Variants in AKT2 observed in about 807,000 individuals in gnomAD.
The protein encoded by AKT2 is RAC-beta serine/threonine-protein kinase.
Under a neutral mutation model 58.6 loss-of-function variants are expected in AKT2, and 16 were observed. That is an observed-to-expected ratio of 0.27 (90% CI 0.18 to 0.41). The LOEUF (loss-of-function observed/expected upper bound fraction) is 0.41. Among genes scored for constraint, AKT2 ranks in the 10% least tolerant of loss-of-function variants. AKT2 has a pLI of 1.00. For synonymous variants in AKT2, 253 were observed against 254.0 expected, an observed-to-expected ratio of 1.00 and a Z score of 0.04; for missense variants, 438 against 661.0, an observed-to-expected ratio of 0.66 and a Z score of 3.70.
chr19:40,278,937 C>T (rs1168250228), intron 1 of AKT2, among the ~76,000 whole-genome samples: 3 of 151,784 alleles, frequency 2.0e-5, no homozygotes, highest in African/African-American at 2.4e-5. Flanking sequence ...CCCCCGGGAC[C>T]AGGTCACTCA....
chr19:40,242,143 AAG>A lies in AKT2; in HGVS notation c.442-76_442-75del, dbSNP rs1974448388. On this transcript the variant is annotated intron_variant, in intron 5 of 13. Transcript: ENST00000392038. The surrounding 1 kb of genome is among the most constrained non-coding windows in gnomAD (Gnocchi z 4.3). ...CGTGGGAGGAAATTTTAACAAAAGAAAGAGGAAAACCAAAAGACACTGTTGCC... is the reference window on the plus strand; with the variant it reads ...CGTGGGAGGAAATTTTAACAAAAGAAAGGAAAACCAAAAGACACTGTTGCC... 1 of 1,602,102 alleles carries A rather than the reference AAG, an allele frequency of 6.2e-7. No individual in the cohort carries two copies. The highest frequency in any genetic ancestry group is 1.1e-5 in the South Asian group (1 of 90,624).
intron 1 of AKT2, among the ~76,000 whole-genome samples, chr19:40,272,534 G>A (rs538634916): frequency 2.6e-5 from 4 of 152,070 alleles, no homozygotes; most frequent in South Asian, 2.1e-4. Flanking sequence ...TTTCTGAAAC[G>A]CACACACACA....
At chr19:40,262,129 G>A (rs531488040) in intron 2 of AKT2, among the ~76,000 whole-genome samples, 30 of 151,618 alleles carry the variant, frequency 2.0e-4, no homozygotes, top group South Asian at 8.3e-4. Context: ...CCTAAAAGCT[G>A]AACGCAGTGG....
intron 4 of AKT2, among the ~76,000 whole-genome samples, chr19:40,249,179 G>T: frequency 6.6e-6 from 1 of 152,160 alleles, no homozygotes; most frequent in Non-Finnish European, 1.5e-5. Context: ...TCGCTGAAGG[G>T]TTTTAGTCAG....
At chr19:40,245,881 C>T (rs1974717660) in intron 4 of AKT2, among the ~76,000 whole-genome samples, 1 of 151,990 alleles carries the variant, frequency 6.6e-6, no homozygotes, top group African/African-American at 2.4e-5. Context: ...TCCAAGTGGC[C>T]CCAGGGCCAG....
chr19:40,257,823 C>T (rs564669794), intron 2 of AKT2, among the ~76,000 whole-genome samples: 42 of 152,222 alleles, frequency 2.8e-4, no homozygotes, highest in Non-Finnish European at 5.4e-4. Context: ...TAAAAAGAAA[C>T]GAAGTACTGA....
chr19:40,281,658 T>C (rs1235320083), intron 1 of AKT2, among the ~76,000 whole-genome samples: 1 of 152,256 alleles, frequency 6.6e-6, no homozygotes, highest in Non-Finnish European at 1.5e-5. Context: ...CCTCTGTTTC[T>C]GCATCTGTAA....
chr19:40,250,046 G>T (rs1975033768), intron 4 of AKT2, among the ~76,000 whole-genome samples: 1 of 152,198 alleles, frequency 6.6e-6, no homozygotes, highest in Non-Finnish European at 1.5e-5. Flanking sequence ...TTAAGGAACA[G>T]CAAGGAGACA....
chr19:40,240,520 C>T (rs1974332533), intron 6 of AKT2, among the ~76,000 whole-genome samples: 1 of 152,236 alleles, frequency 6.6e-6, no homozygotes, highest in African/African-American at 2.4e-5. Context: ...AGCACCTCAG[C>T]ACCGCCTGGG....
At chr19:40,284,224 C>T (rs1255254583) in intron 1 of AKT2, among the ~76,000 whole-genome samples, 1 of 152,110 alleles carries the variant, frequency 6.6e-6, no homozygotes, top group Non-Finnish European at 1.5e-5. Flanking sequence ...AGAGGTGTTC[C>T]CCCAAACACT....
chr19:40,237,320 T>TG lies in AKT2; in HGVS notation c.831+648dup, dbSNP rs1287775255. On this transcript the variant is annotated intron_variant, in intron 9 of 13. Transcript: ENST00000392038. The surrounding 1 kb of genome is among the most constrained non-coding windows in gnomAD (Gnocchi z 4.5). ...TGTGCACACAGCTAGGGCAGATGAC[T>TG]GGTGCTCAGCTTTGGTGGACACTGC... 1.3e-5 allele frequency: 2 copies of TG among 154,256 alleles called. No individual in the cohort carries two copies. The highest frequency in any genetic ancestry group is 2.9e-5 in the Non-Finnish European group (2 of 69,372). 9.6% of individuals were successfully genotyped at this position (154,256 alleles called of 1,614,324 possible). A position where few individuals can be genotyped will look rare whatever the true frequency, so the allele number is the denominator to read the frequency against.
intron 9 of AKT2, chr19:40,236,732 T>C: frequency 2.8e-6 from 1 of 351,216 alleles, no homozygotes; most frequent in South Asian, 2.4e-5. Context: ...CCTTTAATTA[T>C]GAAATATGCA....
In AKT2 at chr19:40,267,601, T is replaced by C. The variant is rs145534520; in HGVS notation, c.-84-2250A>G. On this transcript the variant is annotated intron_variant, in intron 1 of 13. Transcript: ENST00000392038. ...CCAACACCTATTAACGCTAATGCAGTAGACCAGCAAAGCGTCTTATCTAAT... is the reference window on the plus strand; with the variant it reads ...CCAACACCTATTAACGCTAATGCAGCAGACCAGCAAAGCGTCTTATCTAAT... 5.3e-5 allele frequency among the ~76,000 whole-genome samples: 8 copies of C among 152,296 alleles called. No individual in the cohort carries two copies. The East Asian group carries it at 1.5e-3, about 29-fold the overall frequency.
intron 4 of AKT2, among the ~76,000 whole-genome samples, chr19:40,249,595 ACT>A (rs1050805992): frequency 4.0e-4 from 61 of 151,362 alleles, no homozygotes; most frequent in African/African-American, 1.5e-3. Context: ...GACTGTGGGG[ACT>A]CTCCCCTAAC....
At chr19:40,240,186 G>A in intron 6 of AKT2, 76 bp from the exon 7 acceptor site, 1 of 1,451,578 alleles carries the variant, frequency 6.9e-7, no homozygotes, top group Non-Finnish European at 9.7e-7. Flanking sequence ...AGGGGAGCAA[G>A]GCCTTGTGAA....
chr19:40,241,728 G>A, intron 6 of AKT2: 1 of 707,256 alleles, frequency 1.4e-6, no homozygotes, highest in South Asian at 1.8e-5. Context: ...GGCACCCCCA[G>A]CCCCTAACAT....
intron 2 of AKT2, among the ~76,000 whole-genome samples, chr19:40,260,628 CAAAAAAAAAAAAAAA>C (rs34124347): frequency 2.0e-4 from 5 of 25,002 alleles, no homozygotes; most frequent in South Asian, 2.3e-3. Flanking sequence ...GATTCCATCT[CAAAAAAAAAAAAAAA>C]AAAAAAAAAA....
At chr19:40,261,604 C>T (rs1975959625) in intron 2 of AKT2, among the ~76,000 whole-genome samples, 1 of 151,608 alleles carries the variant, frequency 6.6e-6, no homozygotes, top group Non-Finnish European at 1.5e-5. Context: ...CACCATGGGA[C>T]GTGTGACAAG....
chr19:40,266,353 TTC>T (rs1266107395), intron 1 of AKT2: 1 of 152,232 alleles, frequency 6.6e-6, no homozygotes, highest in East Asian at 1.9e-4. Flanking sequence ...GGCATCAGCT[TTC>T]TCTCGTGCCC....
Sources: allele counts gnomAD v4.1 joint callset (sites outside exome capture counted in the v4.1 genomes callset), GRCh38; gene constraint gnomAD v4.1.1; non-coding constraint Gnocchi (gnomAD v3.1); transcripts MANE v1.5; gene names NCBI Gene and HGNC (gene_info 2026-07-23, HGNC 2026-07-21).